UBE3D: variants seen among roughly 807,000 people sequenced by gnomAD.
The protein encoded by UBE3D is E3 ubiquitin-protein ligase E3D.
In UBE3D, 48 loss-of-function variants were observed where a neutral mutation model predicts 49.6. The observed-to-expected ratio is 0.97, with a 90% CI of 0.77 to 1.23. The LOEUF is 1.23. UBE3D is among the 50% of genes most tolerant of loss of function. The pLI is 0.00. For missense variants in UBE3D, 452 were observed against 468.4 expected, an observed-to-expected ratio of 0.96 and a Z score of 0.32; for synonymous variants, 189 against 174.2, an observed-to-expected ratio of 1.08 and a Z score of -0.67.
intron 8 of UBE3D, among the ~76,000 whole-genome samples, chr6:83,007,823 T>C (rs548429563): frequency 6.6e-6 from 1 of 152,252 alleles, no homozygotes; most frequent in African/African-American, 2.4e-5. Flanking sequence ...TGTACACCTG[T>C]AATCCCAGCT....
chr6:83,058,048 C>A, intron 1 of UBE3D, 26 bp from the exon 2 acceptor site: 1 of 1,608,916 alleles, frequency 6.2e-7, no homozygotes, highest in South Asian at 1.1e-5. Flanking sequence ...AAAACCCAAA[C>A]AAATTATTTC....
At chr6:82,995,490 T>TCACACACACA (rs56663287) in intron 8 of UBE3D, among the ~76,000 whole-genome samples, 11,061 of 137,890 alleles carry the variant, frequency 0.08, 560 homozygotes, top group Admixed American at 0.15. Context: ...ATACTAACAA[T>TCACACACACA]CACACACACA....
At chr6:83,040,943 C>CA (rs1201761181) in intron 4 of UBE3D, among the ~76,000 whole-genome samples, 1 of 152,188 alleles carries the variant, frequency 6.6e-6, no homozygotes, top group African/African-American at 2.4e-5. Context: ...GAAGAGAACT[C>CA]AGAAAGCCAG....
At chr6:82,892,057 G>A (rs1770992787), downstream of UBE3D, among the ~76,000 whole-genome samples, 1 of 152,138 alleles carries the variant, frequency 6.6e-6, no homozygotes, top group South Asian at 2.1e-4. Context: ...AGAAAACTCA[G>A]GGTTTTTGAG....
chr6:82,975,237 G>C (rs560300039), intron 8 of UBE3D, among the ~76,000 whole-genome samples: 1 of 152,140 alleles, frequency 6.6e-6, no homozygotes, highest in South Asian at 2.1e-4. Context: ...ATAAGGCATT[G>C]CTTTAAAGTA....
chr6:82,892,125 G>A (rs969505441), downstream of UBE3D, among the ~76,000 whole-genome samples: 1 of 152,202 alleles, frequency 6.6e-6, no homozygotes, highest in African/African-American at 2.4e-5. Flanking sequence ...AAGGATATTT[G>A]CAAATCCACA....
chr6:82,979,969 C>T (rs1318155888), intron 8 of UBE3D, among the ~76,000 whole-genome samples: 1 of 152,028 alleles, frequency 6.6e-6, no homozygotes, highest in African/African-American at 2.4e-5. Flanking sequence ...TTATATATAC[C>T]ACATTTTCTT....
chr6:82,946,351 T>C (rs972507547), intron 9 of UBE3D, among the ~76,000 whole-genome samples: 1 of 151,936 alleles, frequency 6.6e-6, no homozygotes, highest in Non-Finnish European at 1.5e-5. Flanking sequence ...GAGAGTGGCA[T>C]GACCTATTTA....
intron 8 of UBE3D, among the ~76,000 whole-genome samples, chr6:82,970,621 C>T (rs548346111): frequency 1.5e-4 from 23 of 152,182 alleles, no homozygotes; most frequent in Middle Eastern, 3.4e-3. Context: ...GGGCAGATCA[C>T]GAGGTCAGGA....
chr6:83,041,807 TTAATG>T (rs2127814027), intron 4 of UBE3D, among the ~76,000 whole-genome samples: 1 of 152,324 alleles, frequency 6.6e-6, no homozygotes, highest in South Asian at 2.1e-4. Flanking sequence ...AGCAGTAATA[TTAATG>T]TAATCAAAGA....
chr6:82,894,333 A>G (rs999597916), intron 9 of UBE3D, among the ~76,000 whole-genome samples: 2 of 152,112 alleles, frequency 1.3e-5, no homozygotes, highest in African/African-American at 4.8e-5. Flanking sequence ...CATTGCTATC[A>G]TATCTTGCTG....
At chr6:83,048,026 G>C (rs1298176828) in intron 3 of UBE3D, among the ~76,000 whole-genome samples, 3 of 133,852 alleles carry the variant, frequency 2.2e-5, no homozygotes, top group Admixed American at 8.9e-5. Context: ...AGCTTGCAGT[G>C]AGCCGAGATC....
chr6:82,945,730 A>G (rs796556208), intron 9 of UBE3D, among the ~76,000 whole-genome samples: 36 of 152,310 alleles, frequency 2.4e-4, no homozygotes, highest in African/African-American at 8.4e-4. Context: ...AGACAATGCA[A>G]AATAGCTGTG....
At chr6:83,007,312 C>T (rs1181160097) in intron 8 of UBE3D, among the ~76,000 whole-genome samples, 1 of 152,094 alleles carries the variant, frequency 6.6e-6, no homozygotes, top group Non-Finnish European at 1.5e-5. Flanking sequence ...TTTCCACATT[C>T]CTAAGTTAGA....
chr6:82,995,856 C>G (rs895359436), intron 8 of UBE3D, among the ~76,000 whole-genome samples: 1 of 152,058 alleles, frequency 6.6e-6, no homozygotes, highest in African/African-American at 2.4e-5. Flanking sequence ...AACTTGAGGT[C>G]AGGACTTGGA....
At chr6:82,911,360 C>T (rs1772512170) in intron 9 of UBE3D, among the ~76,000 whole-genome samples, 3 of 152,092 alleles carry the variant, frequency 2.0e-5, no homozygotes, top group Admixed American at 2.0e-4. Flanking sequence ...TTTTGAAATG[C>T]AGTATTTGGG....
intron 5 of UBE3D, chr6:83,036,658 A>G (rs1282836456): frequency 6.6e-6 from 1 of 151,844 alleles, no homozygotes; most frequent in African/African-American, 2.4e-5. Context: ...TGAAATGCTG[A>G]GAGAAAGTTC....
chr6:82,894,879 G>A (rs570550390), intron 9 of UBE3D, among the ~76,000 whole-genome samples: 7 of 152,274 alleles, frequency 4.6e-5, no homozygotes, highest in Non-Finnish European at 5.9e-5. Context: ...AGACAATGAC[G>A]CTGCTTATAT....
intron 9 of UBE3D, among the ~76,000 whole-genome samples, chr6:82,940,750 T>TA (rs1245962093): frequency 6.6e-6 from 1 of 152,184 alleles, no homozygotes; most frequent in Non-Finnish European, 1.5e-5. Context: ...GGCCCATTGA[T>TA]AGTCTCTTGG....
Sources: gnomAD v4.1 joint callset for allele counts (sites outside exome capture counted in the v4.1 genomes callset) on GRCh38, gnomAD v4.1.1 for gene constraint, MANE v1.5 for transcripts, NCBI Gene and HGNC (gene_info 2026-07-23, HGNC 2026-07-21) for gene names.